The following AVEN variants were observed in gnomAD, a reference collection of about 807,000 sequenced individuals.
The protein encoded by AVEN is apoptosis and caspase activation inhibitor, also known as cell death regulator Aven.
AVEN carries 41 observed loss-of-function variants against 38.1 expected under a neutral mutation model. The observed-to-expected ratio is 1.08, with a 90% confidence interval of 0.84 to 1.40. The LOEUF (loss-of-function observed/expected upper bound fraction) is 1.40. Ranked by LOEUF, AVEN falls within the 40% of genes most tolerant of loss-of-function variation. The probability of loss-of-function intolerance (pLI) is 0.00; values close to 1 mark genes in which losing one functional copy is unlikely to be tolerated. For missense variants in AVEN, 605 were observed against 438.8 expected (o/e 1.38, Z -3.38); for synonymous variants, 206 against 171.8 (o/e 1.20, Z -1.56).
chr15:34,044,102 A>C (rs1899592488), upstream of AVEN, among the ~76,000 whole-genome samples: 1 of 152,158 alleles, frequency 6.6e-6, no homozygotes, highest in South Asian at 2.1e-4. Flanking sequence ...AAATGAAAAA[A>C]AAAAAAAACT....
downstream of AVEN, chr15:33,861,231 A>C: frequency 7.6e-7 from 1 of 1,314,376 alleles, no homozygotes; most frequent in South Asian, 1.3e-5. Context: ...AAATAAAGCC[A>C]ATTAGGTCAT....
chr15:34,062,697 C>T (rs778044024), intron 5 of AVEN: 17 of 1,588,508 alleles, frequency 1.1e-5, no homozygotes, highest in Non-Finnish European at 1.5e-5. Flanking sequence ...ACACTATTTA[C>T]TGTAAAATTT....
chr15:33,875,122 C>A (rs763034221), intron 3 of AVEN, among the ~76,000 whole-genome samples: 108 of 152,156 alleles, frequency 7.1e-4, no homozygotes, highest in Non-Finnish European at 1.1e-3. Flanking sequence ...ACAGATCAAA[C>A]GAGCCACCCA....
At chr15:34,034,967 A>T (rs2702305) in intron 1 of AVEN, among the ~76,000 whole-genome samples, 148,750 of 152,334 alleles carry the variant, frequency 0.98, 72,726 homozygotes, top group East Asian at 1. Context: ...CTGGCTGACA[A>T]GCGGCTGGTG....
chr15:34,047,944 G>A (rs532802698), intron 5 of AVEN, among the ~76,000 whole-genome samples: 1 of 152,190 alleles, frequency 6.6e-6, no homozygotes, highest in African/African-American at 2.4e-5. Flanking sequence ...GGGTGCACGG[G>A]AGAAGGGATG....
upstream of AVEN, among the ~76,000 whole-genome samples, chr15:34,075,252 C>T (rs1900705947): frequency 6.8e-6 from 1 of 147,956 alleles, no homozygotes; most frequent in Non-Finnish European, 1.5e-5. Flanking sequence ...GTTTAATTTA[C>T]TCACAGTTCC....
chr15:33,937,252 G>C (rs1170516491), intron 2 of AVEN, among the ~76,000 whole-genome samples: 1 of 150,540 alleles, frequency 6.6e-6, no homozygotes. Flanking sequence ...AATTAAATCA[G>C]GGCCGGGCAC....
chr15:34,056,278 C>A (rs568749316), intron 5 of AVEN, among the ~76,000 whole-genome samples: 20 of 152,292 alleles, frequency 1.3e-4, no homozygotes, highest in African/African-American at 4.6e-4. Flanking sequence ...AACTGGGGCC[C>A]AGAGAGAATA....
At chr15:33,922,441 T>TTAA (rs10659080) in intron 2 of AVEN, among the ~76,000 whole-genome samples, 2 of 151,668 alleles carry the variant, frequency 1.3e-5, no homozygotes, top group Admixed American at 6.6e-5. Flanking sequence ...ACACTTTTTT[T>TTAA]TCTCTTATTT....
intron 2 of AVEN, among the ~76,000 whole-genome samples, chr15:33,966,864 C>T (rs1336546429): frequency 6.6e-6 from 1 of 152,124 alleles, no homozygotes; most frequent in African/African-American, 2.4e-5. Context: ...GAAACCTTGA[C>T]ATTAATGAAA....
At chr15:33,999,715 C>T (rs73387938) in intron 2 of AVEN, among the ~76,000 whole-genome samples, 22 of 152,302 alleles carry the variant, frequency 1.4e-4, no homozygotes, top group African/African-American at 5.1e-4. Context: ...CCGCTGCTTA[C>T]CTGGATTATT....
chr15:33,926,682 A>ATGGAGTCTCACTCTGTCACCCAGGC (rs1893618140), intron 2 of AVEN, among the ~76,000 whole-genome samples: 1 of 152,180 alleles, frequency 6.6e-6, no homozygotes, highest in East Asian at 1.9e-4. Flanking sequence ...TTATTTTGAG[A>ATGGAGTCTCACTCTGTCACCCAGGC]TGGAGTCTCA....
At chr15:34,033,445 G>T (rs1245152546) in intron 1 of AVEN, among the ~76,000 whole-genome samples, 1 of 151,714 alleles carries the variant, frequency 6.6e-6, no homozygotes, top group Non-Finnish European at 1.5e-5. Flanking sequence ...GGCGGAGATT[G>T]CAGTGAGCCG....
At position 33,995,394 on chromosome 15, in the gene AVEN, T is replaced by C. The variant is rs367915428; in HGVS notation, c.445+7638A>G. On this transcript the variant is annotated intron_variant, in intron 2 of 5. Coordinates refer to ENST00000306730, the MANE Select transcript of AVEN (RefSeq NM_020371.3). ...TTAGATATTATAAGTGATTTAAAGA[T>C]GATTTAAAGTATATAAAGGAAGGTA... 1.2e-4 allele frequency among the ~76,000 whole-genome samples: 18 copies of C among 152,332 alleles called. 1 individual carries two copies. The South Asian group carries it at 1.9e-3, about 16-fold the overall frequency.
chr15:33,881,274 T>C (rs1336050753), intron 2 of AVEN, among the ~76,000 whole-genome samples: 1 of 152,078 alleles, frequency 6.6e-6, no homozygotes. Flanking sequence ...TTTGTAGAGA[T>C]GGGGTATTGC....
chr15:34,015,895 C>T (rs1897881972), intron 1 of AVEN, among the ~76,000 whole-genome samples: 1 of 152,164 alleles, frequency 6.6e-6, no homozygotes, highest in African/African-American at 2.4e-5. Context: ...CAATTGGAGA[C>T]AGTACATTCC....
At chr15:34,072,083 T>G (rs1900637923) in intron 1 of AVEN, among the ~76,000 whole-genome samples, 1 of 149,622 alleles carries the variant, frequency 6.7e-6, no homozygotes, top group Non-Finnish European at 1.5e-5. Context: ...CTGGGCAACA[T>G]AGCAAGACCT....
downstream of AVEN, among the ~76,000 whole-genome samples, chr15:33,863,257 C>T (rs1889154066): frequency 6.6e-6 from 1 of 152,144 alleles, no homozygotes; most frequent in Non-Finnish European, 1.5e-5. Flanking sequence ...ATGTCCTCAG[C>T]CCCTACGTAT....
intron 2 of AVEN, among the ~76,000 whole-genome samples, chr15:34,002,763 G>T (rs529125453): frequency 2.6e-5 from 4 of 152,230 alleles, no homozygotes; most frequent in African/African-American, 9.6e-5. Flanking sequence ...ATTTACAGCA[G>T]CATGGCTCAG....
Sources: allele counts gnomAD v4.1 joint callset (sites outside exome capture counted in the v4.1 genomes callset), GRCh38; gene constraint gnomAD v4.1.1; transcripts MANE v1.5; gene names NCBI Gene and HGNC (gene_info 2026-07-23, HGNC 2026-07-21).